Variants in KDM5D observed in about 807,000 individuals in gnomAD.
The protein encoded by KDM5D is lysine demethylase 5D.
KDM5D carries 25 observed loss-of-function variants against 31.9 expected under a neutral mutation model. The observed-to-expected ratio is 0.78, with a 90% CI of 0.57 to 1.09. The LOEUF is 1.09. KDM5D is among the 50% of genes least tolerant of loss of function. The pLI, the probability that KDM5D is intolerant of heterozygous loss-of-function variation, is 0.00. For missense variants in KDM5D, 366 were observed against 341.6 expected, an observed-to-expected ratio of 1.07 and a Z score of -0.56; for synonymous variants, 146 against 122.3, an observed-to-expected ratio of 1.19 and a Z score of -1.28.
intron 11 of KDM5D, among the ~76,000 whole-genome samples, chrY:19,723,130 T>C (rs2045406933): frequency 3.0e-5 from 1 of 32,957 alleles, no homozygotes; most frequent in African/African-American, 1.2e-4. Context: ...AAAAGACCAA[T>C]GGAACAGAAC....
chrY:19,729,876 TTC>T (rs2045460833), intron 11 of KDM5D, among the ~76,000 whole-genome samples: 1 of 33,740 alleles, frequency 3.0e-5, no homozygotes, highest in African/African-American at 1.2e-4. Context: ...GGATGACCAG[TTC>T]TCTCATTAGT....
At chrY:19,743,594 G>A (rs756629595) in intron 2 of KDM5D, among the ~76,000 whole-genome samples, 17 of 32,605 alleles carry the variant, frequency 5.2e-4, no homozygotes, top group Middle Eastern at 0.014. Context: ...GAAGATAAAT[G>A]TAATGCAGAT....
intron 11 of KDM5D, chrY:19,721,990 A>C: frequency 3.0e-5 from 1 of 33,595 alleles, no homozygotes; most frequent in Non-Finnish European, 7.4e-5. Context: ...CAAAAATAAC[A>C]GCATCCTTCA....
chrY:19,731,574 T>C, intron 11 of KDM5D, among the ~76,000 whole-genome samples, 198 bp downstream of exon 11: 1 of 32,914 alleles, frequency 3.0e-5, no homozygotes, highest in Non-Finnish European at 7.5e-5. Context: ...TCTATCTCCA[T>C]CAGAGTTTCA....
chrY:19,724,194 T>G (rs2045413326), intron 11 of KDM5D, among the ~76,000 whole-genome samples: 3 of 32,578 alleles, frequency 9.2e-5, no homozygotes, highest in Admixed American at 8.3e-4. Flanking sequence ...ATAAGGGACT[T>G]TTGGAGTTTG....
intron 14 of KDM5D, 28 bp downstream of exon 14, chrY:19,716,568 C>T (rs1365264350): frequency 2.5e-6 from 1 of 397,901 alleles, no homozygotes; most frequent in Non-Finnish European, 3.5e-6. Flanking sequence ...ATACTTTCTA[C>T]CTGCAGGCCC....
intron 6 of KDM5D, 22 bp from the exon 7 acceptor site, chrY:19,735,772 C>A: frequency 2.9e-6 from 1 of 342,831 alleles, no homozygotes; most frequent in East Asian, 9.4e-5. Flanking sequence ...AAGATTCAAA[C>A]AACGAAGTTA....
At chrY:19,741,711 CT>C (rs2045553999) in intron 4 of KDM5D, 23 bp downstream of exon 4, 1 of 383,002 alleles carries the variant, frequency 2.6e-6, no homozygotes, top group Admixed American at 8.2e-5. Context: ...TTTGTTTTTC[CT>C]TTAGAAAGTA....
At chrY:19,728,341 C>T in intron 11 of KDM5D, among the ~76,000 whole-genome samples, 1 of 33,212 alleles carries the variant, frequency 3.0e-5, no homozygotes, top group Non-Finnish European at 7.4e-5. Flanking sequence ...ACAAATGCCT[C>T]TGTTCAATAA....
In KDM5D at chrY:19,707,927, T is replaced by G; in HGVS notation, c.3399+7A>C. On this transcript the variant is annotated splice_region_variant and intron_variant, in intron 23 of 26. Transcript: ENST00000317961. ...CATCTTTTCCCCATCTGGGCCATGC[T>G]CCTTACCACAGAGCCTGGGTCTCTG... 5.0e-6 allele frequency: 2 copies of G among 397,780 alleles called. No individual in the cohort carries two copies. Among genetic ancestry groups the G allele is most frequent in the Non-Finnish European group, 7.1e-6 (2 of 283,115 alleles).
chrY:19,732,016 T>C, intron 10 of KDM5D, 30 bp downstream of exon 10: 1 of 396,489 alleles, frequency 2.5e-6, no homozygotes, highest in Non-Finnish European at 3.5e-6. Context: ...CACAACAGAA[T>C]CCCTATAGTC....
In KDM5D at chrY:19,708,253, T is replaced by C; in HGVS notation, c.3252A>G (p.Thr1084=). The part of the protein sequence containing the change: ...KTFLKKNSCY[T]LLEVLCPCAD... ...GGGTCTCAGACCTCACCTCAAGCAGTGTGTAGCAAGAATTCTTCTTGAGAA... is the reference window on the plus strand; with the variant it reads ...GGGTCTCAGACCTCACCTCAAGCAGCGTGTAGCAAGAATTCTTCTTGAGAA... Residue 1084 remains threonine, a synonymous_variant, in exon 22 of 27, where the codon ACA becomes ACG. Transcript: ENST00000317961. The C allele has an allele frequency of 2.5e-6, 1 of 396,142 alleles. No homozygotes were observed. The highest frequency in any genetic ancestry group is 3.5e-6 in the Non-Finnish European group (1 of 281,984).
chrY:19,736,186 C>A (rs893021272), intron 6 of KDM5D, among the ~76,000 whole-genome samples: 4 of 33,271 alleles, frequency 1.2e-4, no homozygotes, highest in Non-Finnish European at 2.2e-4. Context: ...AATATAATCA[C>A]AAACCTGGGA....
In KDM5D at chrY:19,739,576, A is replaced by G; in HGVS notation, c.609T>C (p.Pro203=). 1 of 395,852 alleles carries G rather than the reference A, an allele frequency of 2.5e-6. No individual in the cohort carries two copies. Among genetic ancestry groups the G allele is most frequent in the South Asian group, 3.0e-5 (1 of 33,353 alleles). Residue 203 remains proline (P), a synonymous_variant, in exon 6 of 27, where the codon CCT becomes CCC. Transcript: ENST00000317961. ...HSIPLRQSVQ[P]SKFSSYSRRA... ...GTCGACTGTAGCTGCTGAACTTTGA[A>G]GGCTGCACAGACTGTCTAAGGGGGA...
Position 19,709,513 on chromosome Y carries a change from C to T in KDM5D, c.2880G>A (p.Leu960=), listed in dbSNP as rs368985027. ...GCTCTGCAATGGTCAGTAGTTCTTG[C>T]AGCTCAGCCCGGGCCTTGTCCACAG... ...SPSVDKARAE[L]QELLTIAERW... is the part of the protein sequence containing the mutation. Residue 960 remains leucine, a synonymous_variant, in exon 20 of 27, where the codon CTG becomes CTA. Transcript: ENST00000317961. The T allele has an allele frequency of 1.2e-4, 48 of 396,858 alleles. No individual in the cohort carries two copies. The highest frequency in any genetic ancestry group is 1.6e-4 in the Non-Finnish European group (45 of 282,986).
At chrY:19,740,030 C>T in intron 5 of KDM5D, among the ~76,000 whole-genome samples, 1 of 32,948 alleles carries the variant, frequency 3.0e-5, no homozygotes, top group African/African-American at 1.2e-4. Context: ...AATTCCAGAA[C>T]TTTGGGAGGT....
At chrY:19,741,592 A>G in intron 4 of KDM5D, 104 bp from the exon 5 acceptor site, 1 of 242,316 alleles carries the variant, frequency 4.1e-6, no homozygotes, top group Non-Finnish European at 6.6e-6. Flanking sequence ...TTCCCCCAAC[A>G]CCAATCATTG....
At position 19,744,452 on chromosome Y, in the gene KDM5D, A is replaced by G; in HGVS notation, c.83T>C (p.Leu28Pro). 2.5e-6 allele frequency: 1 copy of G among 395,597 alleles called. No individual in the cohort carries two copies. The highest frequency in any genetic ancestry group is 9.3e-5 in the East Asian group (1 of 10,789). The part of the protein sequence containing the change: ...EPSWAEFQDP[L>P]GYIAKIRPIA... ...GGGCCTTATTTTCGCAATGTAGCCAAGCGGGTCTTGGAATTCAGCCCAGCT... is the reference window on the plus strand; with the variant it reads ...GGGCCTTATTTTCGCAATGTAGCCAGGCGGGTCTTGGAATTCAGCCCAGCT... Residue 28 changes from leucine (L) to proline (P), a missense_variant, in exon 2 of 27, where the codon CTT becomes CCT. By Grantham distance (98) the Leu-to-Pro change is moderately conservative (BLOSUM62 -3). Transcript: ENST00000317961.
rs2045220928 is a variant in KDM5D at position 19,705,486 on chromosome Y, A to G, written c.*509T>C. The G allele has an allele frequency of 2.9e-5, 1 of 34,640 alleles. No homozygotes were observed. Among genetic ancestry groups the G allele is most frequent in the African/African-American group, 1.2e-4 (1 of 8,655 alleles). 8.6% of individuals were successfully genotyped at this position (34,640 alleles called of 400,897 possible). ...ATGAAATTAAAGATAGACCACAGGTAGAGTCATGAAATTCTTGTTTTTCCC... is the reference window on the plus strand; with the variant it reads ...ATGAAATTAAAGATAGACCACAGGTGGAGTCATGAAATTCTTGTTTTTCCC... On this transcript the variant is annotated 3_prime_UTR_variant, in exon 27 of 27. Transcript: ENST00000317961.
Sources: allele counts gnomAD v4.1 joint callset (sites outside exome capture counted in the v4.1 genomes callset), GRCh38; gene constraint gnomAD v4.1.1; transcripts MANE v1.5; gene names NCBI Gene and HGNC (gene_info 2026-07-23, HGNC 2026-07-21).